IQGAP3: variants seen among roughly 807,000 people sequenced by gnomAD.
IQGAP3 encodes the protein IQ motif containing GTPase activating protein 3.
A neutral mutation model predicts 208.2 loss-of-function variants in IQGAP3; 165 were observed. That is an observed-to-expected ratio of 0.79 (90% CI 0.70 to 0.90). The LOEUF (loss-of-function observed/expected upper bound fraction) is 0.90, where lower values mean the gene tolerates loss of function less well. Among genes scored for constraint, IQGAP3 ranks in the 40% least tolerant of loss-of-function variants. The probability of loss-of-function intolerance (pLI) is 0.00; values close to 1 mark genes in which losing one functional copy is unlikely to be tolerated. For missense variants in IQGAP3, 1,811 were observed against 2,043.1 expected, an observed-to-expected ratio of 0.89 and a Z score of 2.19; for synonymous variants, 703 against 803.6, an observed-to-expected ratio of 0.87 and a Z score of 2.12.
intron 8 of IQGAP3, among the ~76,000 whole-genome samples, 177 bp from the exon 9 acceptor site, chr1:156,562,842 C>T (rs749750280): frequency 6.6e-6 from 1 of 152,196 alleles, no homozygotes; most frequent in Non-Finnish European, 1.5e-5. Flanking sequence ...CATAATTAAG[C>T]CAAACCAACC....
At chr1:156,530,618 G>A (rs1006970974) in intron 33 of IQGAP3, among the ~76,000 whole-genome samples, 1 of 152,154 alleles carries the variant, frequency 6.6e-6, no homozygotes, top group African/African-American at 2.4e-5. Flanking sequence ...AAAGGATTCC[G>A]GACAGACACT....
At chr1:156,561,793 C>G (rs898440530) in intron 10 of IQGAP3, 45 bp downstream of exon 10, 1 of 1,593,412 alleles carries the variant, frequency 6.3e-7, no homozygotes, top group African/African-American at 1.3e-5. Context: ...CTCTCCTATC[C>G]TATAGTCACA....
At chr1:156,533,548 T>C (rs1200425160) in intron 31 of IQGAP3, among the ~76,000 whole-genome samples, 2 of 152,192 alleles carry the variant, frequency 1.3e-5, no homozygotes, top group Non-Finnish European at 2.9e-5. Flanking sequence ...GATCATTTCA[T>C]TGACCGTTTT....
chr1:156,571,845 GCCCCACCCATC>G (rs1015002196), intron 1 of IQGAP3, among the ~76,000 whole-genome samples: 41 of 152,290 alleles, frequency 2.7e-4, no homozygotes, highest in African/African-American at 9.9e-4. Flanking sequence ...GAACCTTTCT[GCCCCACCCATC>G]CTTCCAGCTC....
chr1:156,566,155 T>A, intron 3 of IQGAP3, 51 bp from the exon 4 acceptor site: 1 of 1,515,760 alleles, frequency 6.6e-7, no homozygotes, highest in Non-Finnish European at 9.2e-7. Context: ...CAGCACTCCC[T>A]ATGGGTAAAG....
At chr1:156,549,658 A>C (rs959699023) in intron 16 of IQGAP3, among the ~76,000 whole-genome samples, 2 of 152,024 alleles carry the variant, frequency 1.3e-5, no homozygotes. Flanking sequence ...CACTTTATGC[A>C]GGATATGGGC....
At chr1:156,565,338 A>G (rs565268898) in intron 4 of IQGAP3, among the ~76,000 whole-genome samples, 1 of 152,240 alleles carries the variant, frequency 6.6e-6, no homozygotes, top group Non-Finnish European at 1.5e-5. Context: ...TTAGAGACCT[A>G]GAGTGTTCCA....
At chr1:156,537,416 A>T in intron 26 of IQGAP3, 95 bp from the exon 27 acceptor site, 2 of 1,240,836 alleles carry the variant, frequency 1.6e-6, no homozygotes, top group Non-Finnish European at 2.2e-6. Flanking sequence ...TAACAACAAG[A>T]TCTCATACAG....
intron 25 of IQGAP3, 168 bp downstream of exon 25, chr1:156,539,206 C>G (rs1674859063): frequency 1.2e-6 from 1 of 809,276 alleles, no homozygotes. Context: ...TATCCTCCCA[C>G]TGTGCTGTCC....
In IQGAP3 at chr1:156,556,694, C is replaced by T; in HGVS notation, c.1130-1G>A. Reference sequence around the variant, plus strand: ...TTGATCCGCTGCACAGCGTGGAGCACTGCAAGGCAGGAGAGCAACAGGTTG... The same window carrying T: ...TTGATCCGCTGCACAGCGTGGAGCATTGCAAGGCAGGAGAGCAACAGGTTG... On this transcript the variant is annotated splice_acceptor_variant, in intron 11 of 37. Transcript: ENST00000361170. LOFTEE classifies it high-confidence loss of function. 6.4e-7 allele frequency: 1 copy of T among 1,551,186 alleles called. No individual in the cohort carries two copies. The highest frequency in any genetic ancestry group is 8.7e-7 in the Non-Finnish European group (1 of 1,143,366).
In IQGAP3 at chr1:156,562,067, C is replaced by T. The variant is rs116398460; in HGVS notation, c.878-66G>A. On this transcript the variant is annotated intron_variant, in intron 9 of 37. Transcript: ENST00000361170. Reference sequence around the variant, plus strand: ...CACCTCTCATAATCCCCTAGTCCAGCCCTAGGAATCTACCCTCTTCTTGCC... The same window carrying T: ...CACCTCTCATAATCCCCTAGTCCAGTCCTAGGAATCTACCCTCTTCTTGCC... 1.3e-3 allele frequency: 1,903 copies of T among 1,414,790 alleles called. 27 individuals are homozygous for T. In the African/African-American group the frequency reaches 0.025, roughly 18 times the overall value. The allele number at this position is 1,414,790 out of a possible 1,614,324, so 87.6% of individuals were successfully genotyped here.
In IQGAP3 at chr1:156,544,136, A is replaced by C. The variant is rs774651405; in HGVS notation, c.2460+16T>G. On this transcript the variant is annotated intron_variant, in intron 21 of 37. Transcript: ENST00000361170. ...AAGGTTGGGTATGTGGGCAGGGGGA[A>C]CAAGGTGACACTCACATTCTTCTGG... The C allele has an allele frequency of 9.9e-6, 16 of 1,613,870 alleles. No homozygotes were observed. The South Asian group carries it at 1.8e-4, about 18-fold the overall frequency.
In IQGAP3 at chr1:156,548,484, T is replaced by A. The variant is rs1461577318; in HGVS notation, c.1997A>T (p.Asp666Val). The A allele has an allele frequency of 6.2e-7, 1 of 1,613,424 alleles. No individual in the cohort carries two copies. The highest frequency in any genetic ancestry group is 8.5e-7 in the Non-Finnish European group (1 of 1,179,622). Residue 666 changes from aspartate (D) to valine (V), a missense_variant, in exon 18 of 38, where the codon GAC (aspartate) becomes GTC (valine). Coordinates refer to ENST00000361170, the MANE Select transcript of IQGAP3 (RefSeq NM_178229.5). ...GTCATGTTGAACCCAGAAAGCTGTG[T>A]CTGCTAAGCAGAAACCAAGCAAGCA... ...SAMAKKQRPADTAFWVQHDMK... is the reference protein window; with the variant it reads ...SAMAKKQRPAVTAFWVQHDMK...
intron 28 of IQGAP3, among the ~76,000 whole-genome samples, 155 bp downstream of exon 28, chr1:156,535,008 G>A (rs191840293): frequency 4.1e-4 from 62 of 152,290 alleles, no homozygotes; most frequent in African/African-American, 1.2e-3. Flanking sequence ...GAAGCCCTGC[G>A]GGTGAGCCAG....
chr1:156,539,132 G>T, intron 25 of IQGAP3, 99 bp from the exon 26 acceptor site: 1 of 1,036,720 alleles, frequency 9.6e-7, no homozygotes, highest in African/African-American at 1.6e-5. Flanking sequence ...GCCTGCCCTG[G>T]TGTCCCCGCT....
At position 156,534,773 on chromosome 1, in the gene IQGAP3, C is replaced by T. The variant is rs144154263; in HGVS notation, c.3508-40G>A. ...GACTCTCCCAGAAGTGTCCAGGGGC[C>T]GCCTTGACTGGTGCGGCCCCACATT... On this transcript the variant is annotated intron_variant, in intron 28 of 37. Transcript: ENST00000361170. 1.8e-4 allele frequency: 255 copies of T among 1,396,432 alleles called. No individual in the cohort carries two copies. The African/African-American group carries it at 3.0e-3, about 17-fold the overall frequency. The allele number at this position is 1,396,432 out of a possible 1,614,324, so 86.5% of individuals were successfully genotyped here.
At chr1:156,528,681 G>T in intron 35 of IQGAP3, 71 bp from the exon 36 acceptor site, 2 of 1,340,434 alleles carry the variant, frequency 1.5e-6, no homozygotes, top group Non-Finnish European at 2.1e-6. Flanking sequence ...GTTTTCTGTG[G>T]CTGGAAAGGA....
At position 156,526,376 on chromosome 1, in the gene IQGAP3, C is replaced by T; in HGVS notation, c.*110G>A. On this transcript the variant is annotated 3_prime_UTR_variant, in exon 38 of 38. Transcript: ENST00000361170. Reference sequence around the variant, plus strand: ...GGGGAAGGGGTGAGAATCCCTGGGCCTTGCCCAGTCCTGAGCTCTAGGTGT... The same window carrying T: ...GGGGAAGGGGTGAGAATCCCTGGGCTTTGCCCAGTCCTGAGCTCTAGGTGT... 1 of 748,662 alleles carries T rather than the reference C, an allele frequency of 1.3e-6. No individual in the cohort carries two copies. The highest frequency in any genetic ancestry group is 1.6e-5 in the South Asian group (1 of 63,844). 46.4% of individuals were successfully genotyped at this position (748,662 alleles called of 1,614,324 possible). A position where few individuals can be genotyped will look rare whatever the true frequency, so the allele number is the denominator to read the frequency against.
At position 156,549,015 on chromosome 1, in the gene IQGAP3, G is replaced by A. The variant is rs183427697; in HGVS notation, c.1826-267C>T. 9.0e-4 allele frequency among the ~76,000 whole-genome samples: 137 copies of A among 152,282 alleles called. 1 individual carries two copies. The highest frequency in any genetic ancestry group is 3.2e-3 in the African/African-American group (133 of 41,566). ...TAGGCTGAGTTGGGGCTTGATAAAA[G>A]GAAAATCAGCTTGAACAGAAGCATA... On this transcript the variant is annotated intron_variant, in intron 16 of 37. Transcript: ENST00000361170.
Sources: allele counts gnomAD v4.1 joint callset (sites outside exome capture counted in the v4.1 genomes callset), GRCh38; gene constraint gnomAD v4.1.1; transcripts MANE v1.5; gene names NCBI Gene and HGNC (gene_info 2026-07-23, HGNC 2026-07-21).